The following ASTN2 variants were observed in gnomAD, a reference collection of about 807,000 sequenced individuals.
ASTN2 encodes astrotactin-2.
ASTN2 carries 54 observed loss-of-function variants against 139.8 expected under a neutral mutation model. The observed-to-expected ratio is 0.39, with a 90% CI of 0.31 to 0.48. The LOEUF is 0.48. ASTN2 is among the 20% of genes least tolerant of loss of function. The pLI is 0.95. For missense variants in ASTN2, 1,565 were observed against 1,725.1 expected, an observed-to-expected ratio of 0.91 and a Z score of 1.64; for synonymous variants, 756 against 719.5, an observed-to-expected ratio of 1.05 and a Z score of -0.81.
intron 19 of ASTN2, among the ~76,000 whole-genome samples, chr9:116,556,348 C>A (rs533632103): frequency 6.4e-4 from 97 of 152,212 alleles, no homozygotes; most frequent in African/African-American, 2.3e-3. Flanking sequence ...TTTAAAAGTG[C>A]CCAGAGGGCT....
chr9:116,838,628 C>A (rs2132297614), intron 11 of ASTN2, among the ~76,000 whole-genome samples: 1 of 144,454 alleles, frequency 6.9e-6, no homozygotes, highest in East Asian at 2.1e-4. Context: ...GGAGTTTCAC[C>A]AGGCCAGGCT....
intron 1 of ASTN2, among the ~76,000 whole-genome samples, chr9:117,292,798 C>A (rs74793295): frequency 6.6e-6 from 1 of 152,018 alleles, no homozygotes; most frequent in Non-Finnish European, 1.5e-5. Context: ...ACTGCAGCAC[C>A]CATCATATCT....
chr9:117,095,130 C>G (rs1828808282), intron 5 of ASTN2, among the ~76,000 whole-genome samples: 1 of 152,212 alleles, frequency 6.6e-6, no homozygotes, highest in Non-Finnish European at 1.5e-5. Context: ...ACAGGACCTT[C>G]TTTTCAGTGG....
intron 1 of ASTN2, among the ~76,000 whole-genome samples, chr9:117,311,686 C>A (rs756830961): frequency 1.3e-5 from 2 of 152,164 alleles, no homozygotes; most frequent in Non-Finnish European, 2.9e-5. Flanking sequence ...TATATTCATT[C>A]TTTTTAATTG....
At chr9:116,998,890 T>G (rs1385005542) in intron 7 of ASTN2, among the ~76,000 whole-genome samples, 2 of 152,192 alleles carry the variant, frequency 1.3e-5, no homozygotes, top group Admixed American at 1.3e-4. Flanking sequence ...TTCTTGGAAT[T>G]TATAGCTTCA....
chr9:117,051,587 C>A (rs983824787), intron 5 of ASTN2, among the ~76,000 whole-genome samples: 2 of 152,174 alleles, frequency 1.3e-5, no homozygotes, highest in South Asian at 4.1e-4. Flanking sequence ...TGGCCCCCAC[C>A]CCTTCTCTCC....
intron 11 of ASTN2, among the ~76,000 whole-genome samples, chr9:116,851,065 T>G (rs1015502133): frequency 3.3e-5 from 5 of 152,204 alleles, no homozygotes; most frequent in Non-Finnish European, 2.9e-5. Context: ...GAGCTCTGAA[T>G]GCAGCTAAAA....
At chr9:116,961,189 C>T (rs1269955223) in intron 10 of ASTN2, among the ~76,000 whole-genome samples, 1 of 151,740 alleles carries the variant, frequency 6.6e-6, no homozygotes, top group Non-Finnish European at 1.5e-5. Flanking sequence ...CACCCAGCCC[C>T]CCACCATTTT....
chr9:116,654,633 C>A (rs1858106127), intron 16 of ASTN2, among the ~76,000 whole-genome samples: 1 of 152,068 alleles, frequency 6.6e-6, no homozygotes, highest in Non-Finnish European at 1.5e-5. Flanking sequence ...AAAAGTGTGT[C>A]CCAAAGAAGG....
intron 10 of ASTN2, among the ~76,000 whole-genome samples, chr9:116,916,381 G>A (rs1268822440): frequency 6.6e-6 from 1 of 152,168 alleles, no homozygotes; most frequent in African/African-American, 2.4e-5. Context: ...ATGAAAGATG[G>A]TTACTATATG....
intron 2 of ASTN2, among the ~76,000 whole-genome samples, chr9:117,268,974 C>T (rs1052966274): frequency 1.3e-5 from 2 of 152,168 alleles, no homozygotes; most frequent in Non-Finnish European, 2.9e-5. Context: ...AATAGCAATA[C>T]GAATACCTAC....
chr9:116,624,117 T>C (rs796632074), intron 17 of ASTN2, among the ~76,000 whole-genome samples: 21 of 152,296 alleles, frequency 1.4e-4, no homozygotes, highest in African/African-American at 4.1e-4. Flanking sequence ...TTCTGGCTAA[T>C]TAGCTAGCAA....
intron 2 of ASTN2, among the ~76,000 whole-genome samples, chr9:117,231,958 T>C (rs1441525646): frequency 2.0e-5 from 3 of 152,200 alleles, no homozygotes; most frequent in Non-Finnish European, 1.5e-5. Flanking sequence ...TTTCTCATCA[T>C]TGCTTTTCAG....
rs556606296 is a variant in ASTN2 at position 117,158,500 on chromosome 9, G to A, written c.1016-17022C>T. Among the ~76,000 whole-genome samples, 5 of 152,170 alleles carry A rather than the reference G, an allele frequency of 3.3e-5. No individual in the cohort carries two copies. In the East Asian group the frequency reaches 9.7e-4, roughly 29 times the overall value. On this transcript the variant is annotated intron_variant, in intron 3 of 22. Coordinates refer to ENST00000313400, the MANE Select transcript of ASTN2 (RefSeq NM_001365068.1). ...AATTACAGACGGATGACTTGTCATT[G>A]ATATGTTCCTTACTATGATCAACTT... is the stretch of plus-strand genomic sequence containing the variant.
At chr9:116,477,353 C>T (rs971700323) in intron 20 of ASTN2, among the ~76,000 whole-genome samples, 24 of 151,950 alleles carry the variant, frequency 1.6e-4, no homozygotes, top group African/African-American at 5.3e-4. Flanking sequence ...GGAATTGAGT[C>T]GCCAGGCTGC....
At chr9:116,547,092 T>TCTCC (rs1310332612) in intron 19 of ASTN2, among the ~76,000 whole-genome samples, 1 of 152,204 alleles carries the variant, frequency 6.6e-6, no homozygotes, top group Non-Finnish European at 1.5e-5. Context: ...CTTATTTTTT[T>TCTCC]CTCCCTCCCC....
intron 3 of ASTN2, among the ~76,000 whole-genome samples, chr9:117,163,401 C>T (rs1401985162): frequency 6.6e-6 from 1 of 152,010 alleles, no homozygotes; most frequent in South Asian, 2.1e-4. Context: ...AAAACTAATG[C>T]CATAATACTA....
chr9:116,669,976 T>G (rs551863331), intron 16 of ASTN2, among the ~76,000 whole-genome samples: 4 of 151,996 alleles, frequency 2.6e-5, no homozygotes, highest in African/African-American at 4.8e-5. Flanking sequence ...AGCTAATTTT[T>G]GTATTTTTAG....
At chr9:117,143,854 A>G (rs1488096659) in intron 3 of ASTN2, among the ~76,000 whole-genome samples, 1 of 152,044 alleles carries the variant, frequency 6.6e-6, no homozygotes, top group African/African-American at 2.4e-5. Context: ...TGATAAGGCC[A>G]AAGTTCAATC....
Sources: gnomAD v4.1 joint callset for allele counts (sites outside exome capture counted in the v4.1 genomes callset) on GRCh38, gnomAD v4.1.1 for gene constraint, MANE v1.5 for transcripts, NCBI Gene and HGNC (gene_info 2026-07-23, HGNC 2026-07-21) for gene names.